The following JAZF1 variants were observed in gnomAD, a reference collection of about 807,000 sequenced individuals.
JAZF1 encodes JAZF zinc finger 1.
Under a neutral mutation model 26.4 loss-of-function variants are expected in JAZF1, and 8 were observed. The ratio of observed to expected loss-of-function variants is 0.30; its 90% CI spans 0.18 to 0.55. The LOEUF (loss-of-function observed/expected upper bound fraction) is 0.55, where lower values mean the gene tolerates loss of function less well. JAZF1 is among the 20% of genes least tolerant of loss of function. The pLI is 0.94. For synonymous variants in JAZF1, 126 were observed against 122.3 expected (o/e 1.03, Z -0.20); for missense variants, 199 against 322.0 (o/e 0.62, Z 2.92).
In JAZF1 at chr7:28,010,606, T is replaced by C. The variant is rs116582982; in HGVS notation, c.116-18625A>G. On this transcript the variant is annotated intron_variant, in intron 1 of 4. Coordinates refer to ENST00000283928, the MANE Select transcript of JAZF1 (RefSeq NM_175061.4). ...AAAGTCCACTATAAAAGTCACCTCC[T>C]CTACAAAACATTCCATGAAGCTACA... 3.1e-3 allele frequency among the ~76,000 whole-genome samples: 479 copies of C among 152,318 alleles called. 5 individuals carry two copies. The highest frequency in any genetic ancestry group is 0.011 in the African/African-American group (464 of 41,568).
chr7:28,042,900 T>A (rs1390510270), intron 1 of JAZF1, among the ~76,000 whole-genome samples: 2 of 152,274 alleles, frequency 1.3e-5, no homozygotes, highest in East Asian at 3.9e-4. Context: ...AATGATGAAA[T>A]CACCTAACAA....
At chr7:28,000,872 G>A (rs1786141517) in intron 1 of JAZF1, among the ~76,000 whole-genome samples, 2 of 151,844 alleles carry the variant, frequency 1.3e-5, no homozygotes, top group South Asian at 4.2e-4. Flanking sequence ...ACTGGCCTTG[G>A]CCTCCCAAAG....
At chr7:28,163,261 G>C (rs948487779) in intron 1 of JAZF1, among the ~76,000 whole-genome samples, 1 of 152,094 alleles carries the variant, frequency 6.6e-6, no homozygotes, top group Non-Finnish European at 1.5e-5. Context: ...CCAGAACCTG[G>C]GACAACTGAC....
intron 1 of JAZF1, among the ~76,000 whole-genome samples, chr7:28,138,401 A>G (rs1782916698): frequency 1.3e-5 from 2 of 152,244 alleles, no homozygotes; most frequent in African/African-American, 4.8e-5. Context: ...GTATTAAGTT[A>G]GATTAAATTA....
intron 1 of JAZF1, among the ~76,000 whole-genome samples, chr7:28,047,823 G>A (rs1783522838): frequency 6.6e-6 from 1 of 152,192 alleles, no homozygotes; most frequent in East Asian, 1.9e-4. Context: ...ATACCACGGA[G>A]TATTATTTTT....
intron 1 of JAZF1, among the ~76,000 whole-genome samples, chr7:28,023,813 T>C (rs73683937): frequency 0.017 from 2,528 of 152,310 alleles, 61 homozygotes; most frequent in African/African-American, 0.055. Flanking sequence ...TAATAAATGC[T>C]TGGTAAATTA....
intron 2 of JAZF1, among the ~76,000 whole-genome samples, chr7:27,971,013 C>A (rs1462339472): frequency 6.6e-6 from 1 of 152,178 alleles, no homozygotes; most frequent in Non-Finnish European, 1.5e-5. Context: ...CAGAGAAGCA[C>A]ACCGCCTAGT....
intron 3 of JAZF1, among the ~76,000 whole-genome samples, chr7:27,850,129 C>T (rs1185993378): frequency 1.3e-5 from 2 of 152,184 alleles, no homozygotes; most frequent in Admixed American, 1.3e-4. Context: ...CAAATTAAAA[C>T]TTTCCTGGGG....
chr7:27,920,512 G>C (rs1390946060), intron 2 of JAZF1, among the ~76,000 whole-genome samples: 1 of 152,162 alleles, frequency 6.6e-6, no homozygotes, highest in Non-Finnish European at 1.5e-5. Flanking sequence ...GTGTCATATG[G>C]CGTGTCAAAC....
intron 2 of JAZF1, among the ~76,000 whole-genome samples, chr7:27,919,105 G>A (rs919652692): frequency 5.9e-5 from 9 of 152,316 alleles, no homozygotes; most frequent in East Asian, 1.9e-4. Flanking sequence ...CTGAAACACA[G>A]GTCCTAGTAA....
intron 3 of JAZF1, among the ~76,000 whole-genome samples, chr7:27,863,564 G>A (rs1783418490): frequency 6.6e-6 from 1 of 152,176 alleles, no homozygotes; most frequent in Non-Finnish European, 1.5e-5. Flanking sequence ...TCTAAATGAT[G>A]CTGTTTTCGT....
At chr7:27,854,528 A>C (rs1461513189) in intron 3 of JAZF1, among the ~76,000 whole-genome samples, 4 of 152,172 alleles carry the variant, frequency 2.6e-5, no homozygotes, top group Non-Finnish European at 5.9e-5. Flanking sequence ...TCCTGTATTT[A>C]GTGCTTCCTT....
chr7:28,070,086 A>T (rs891257326), intron 1 of JAZF1, among the ~76,000 whole-genome samples: 1 of 152,150 alleles, frequency 6.6e-6, no homozygotes, highest in Non-Finnish European at 1.5e-5. Flanking sequence ...AGGAAAGGGG[A>T]GCTTTTTTGT....
intron 1 of JAZF1, among the ~76,000 whole-genome samples, chr7:28,101,471 G>A (rs534615333): frequency 6.8e-4 from 103 of 151,822 alleles, no homozygotes; most frequent in Middle Eastern, 6.8e-3. Context: ...AGTCATGGTG[G>A]CTCATGCCTG....
chr7:28,048,728 T>C (rs1048974474), intron 1 of JAZF1, among the ~76,000 whole-genome samples: 5 of 152,202 alleles, frequency 3.3e-5, no homozygotes, highest in African/African-American at 9.6e-5. Flanking sequence ...GCATTATTCA[T>C]AATAGCCAAA....
chr7:28,058,343 C>T (rs1477206758), intron 1 of JAZF1, among the ~76,000 whole-genome samples: 3 of 152,150 alleles, frequency 2.0e-5, no homozygotes, highest in Admixed American at 2.0e-4. Context: ...GGAAGAAGAG[C>T]TAGATGCAGA....
intron 1 of JAZF1, among the ~76,000 whole-genome samples, chr7:28,173,893 A>AG (rs1783510008): frequency 6.8e-6 from 1 of 147,620 alleles, no homozygotes; most frequent in African/African-American, 2.4e-5. Flanking sequence ...AAAAAAAAAA[A>AG]AAAAAAAAAA....
In JAZF1 at chr7:28,168,333, G is replaced by A. The variant is rs143006985; in HGVS notation, c.115+12130C>T. 3.2e-3 allele frequency among the ~76,000 whole-genome samples: 455 copies of A among 142,480 alleles called. 3 individuals are homozygous for A. Among genetic ancestry groups the A allele is most frequent in the African/African-American group, 0.011 (436 of 37,922 alleles). 93.5% of individuals were successfully genotyped at this position (142,480 alleles called of 152,430 possible). On this transcript the variant is annotated intron_variant, in intron 1 of 4. Transcript: ENST00000283928. ...GGAGGTGGAGTTTGCAGTGAGCTGC[G>A]ACGCGCCATTGCACCCCAGCCTGGG...
At chr7:27,873,287 CA>C (rs1181925090) in intron 3 of JAZF1, among the ~76,000 whole-genome samples, 1 of 152,228 alleles carries the variant, frequency 6.6e-6, no homozygotes, top group Non-Finnish European at 1.5e-5. Flanking sequence ...CTGGCTGCCA[CA>C]TTCAACCTTC....
Sources: allele counts gnomAD v4.1 joint callset (sites outside exome capture counted in the v4.1 genomes callset), GRCh38; gene constraint gnomAD v4.1.1; transcripts MANE v1.5; gene names NCBI Gene and HGNC (gene_info 2026-07-23, HGNC 2026-07-21).